The following RIN2 variants were observed in gnomAD, a reference collection of about 807,000 sequenced individuals.
RIN2 encodes RAB5 interacting protein 2.
Under a neutral mutation model 78.0 loss-of-function variants are expected in RIN2, and 36 were observed. The ratio of observed to expected loss-of-function variants is 0.46; its 90% CI spans 0.35 to 0.61. The LOEUF is 0.61. Ranked by LOEUF, RIN2 falls within the 20% of genes least tolerant of loss-of-function variation. The probability of loss-of-function intolerance (pLI) is 0.00; values close to 1 mark genes in which losing one functional copy is unlikely to be tolerated. For missense variants in RIN2, 1,087 were observed against 1,159.7 expected, an observed-to-expected ratio of 0.94 and a Z score of 0.91; for synonymous variants, 466 against 466.8, an observed-to-expected ratio of 1.00 and a Z score of 0.02.
intron 2 of RIN2, among the ~76,000 whole-genome samples, chr20:19,884,455 C>T (rs2038118948): frequency 6.6e-6 from 1 of 152,058 alleles, no homozygotes; most frequent in Non-Finnish European, 1.5e-5. Flanking sequence ...AATTAAAACA[C>T]TGTTGTTGAG....
intron 2 of RIN2, among the ~76,000 whole-genome samples, chr20:19,863,949 C>T (rs149903563): frequency 6.6e-6 from 1 of 150,652 alleles, no homozygotes; most frequent in East Asian, 2.0e-4. Flanking sequence ...GGTCAGTTTA[C>T]AACACGCATT....
chr20:19,944,962 C>T (rs539487913), intron 4 of RIN2, among the ~76,000 whole-genome samples: 6 of 152,260 alleles, frequency 3.9e-5, no homozygotes, highest in Admixed American at 1.3e-4. Context: ...AATTAGAAGA[C>T]GGTAAGAAGT....
intron 1 of RIN2, among the ~76,000 whole-genome samples, chr20:19,766,613 G>A (rs1446152166): frequency 6.6e-6 from 1 of 152,084 alleles, no homozygotes; most frequent in African/African-American, 2.4e-5. Flanking sequence ...CCAGGCAGGA[G>A]CGGCAAGTAC....
At position 19,899,296 on chromosome 20, in the gene RIN2, T is replaced by A. The variant is rs145663718; in HGVS notation, c.57+9638T>A. Among the ~76,000 whole-genome samples, 1,374 of 152,340 alleles carry A rather than the reference T, an allele frequency of 9.0e-3. 14 individuals are homozygous for A. The highest frequency in any genetic ancestry group is 0.027 in the Middle Eastern group (8 of 294). Reference sequence around the variant, plus strand: ...ATCCTCACAGTGACGCTCTTGGTGTTGCTCTAATCCCTAAACTCAGATATG... The same window carrying A: ...ATCCTCACAGTGACGCTCTTGGTGTAGCTCTAATCCCTAAACTCAGATATG... On this transcript the variant is annotated intron_variant, in intron 3 of 12. Transcript: ENST00000255006.
At chr20:19,972,309 C>T (rs2042132908) in intron 8 of RIN2, among the ~76,000 whole-genome samples, 1 of 152,096 alleles carries the variant, frequency 6.6e-6, no homozygotes, top group Admixed American at 6.6e-5. Flanking sequence ...TTCTCTCTCC[C>T]GACCTCTGTC....
chr20:19,935,257 A>G, intron 4 of RIN2, 58 bp downstream of exon 4: 2 of 1,450,980 alleles, frequency 1.4e-6, no homozygotes, highest in Non-Finnish European at 1.9e-6. Context: ...GAACCCTGGC[A>G]CTGCCAAGGG....
At chr20:19,830,803 G>A (rs765945172) in intron 2 of RIN2, among the ~76,000 whole-genome samples, 1 of 152,206 alleles carries the variant, frequency 6.6e-6, no homozygotes, top group Non-Finnish European at 1.5e-5. Context: ...TTGGCTGAAG[G>A]GGGCTGCCTA....
chr20:19,977,161 A>T (rs1368342141), intron 9 of RIN2, among the ~76,000 whole-genome samples: 3 of 152,154 alleles, frequency 2.0e-5, no homozygotes, highest in Non-Finnish European at 4.4e-5. Context: ...CCCAACCTGC[A>T]GGAGAAGCTT....
At position 19,975,384 on chromosome 20, in the gene RIN2, C is replaced by T. The variant is rs1310532638; in HGVS notation, c.1359C>T (p.Tyr453=). Residue 453 remains tyrosine (Y), a synonymous_variant, in exon 9 of 13, where the codon TAC becomes TAT. Coordinates refer to ENST00000255006, the MANE Select transcript of RIN2 (RefSeq NM_018993.4). This position sits in a 1 kb window ranked among gnomAD's most constrained non-coding sequence, Gnocchi z 4.9. ...ACCGGAGCATGCCTCTGTTTGGCTACGAGGCGGACACCAACAGCAGCCTGG... is the reference window on the plus strand; with the variant it reads ...ACCGGAGCATGCCTCTGTTTGGCTATGAGGCGGACACCAACAGCAGCCTGG... ...EFDRSMPLFG[Y]EADTNSSLED... The T allele has an allele frequency of 1.9e-6, 3 of 1,614,000 alleles. No homozygotes were observed. The highest frequency in any genetic ancestry group is 1.7e-6 in the Non-Finnish European group (2 of 1,179,868).
intron 1 of RIN2, among the ~76,000 whole-genome samples, chr20:19,773,780 G>A (rs1007887984): frequency 2.0e-5 from 3 of 151,854 alleles, no homozygotes; most frequent in African/African-American, 7.3e-5. Context: ...CTGTATTTGG[G>A]AGATGTGCGG....
intron 1 of RIN2, among the ~76,000 whole-genome samples, chr20:19,777,491 A>T (rs766083778): frequency 8.5e-5 from 13 of 152,202 alleles, no homozygotes; most frequent in Non-Finnish European, 1.9e-4. Context: ...AAACTGACCC[A>T]TGGGATTTAA....
upstream of RIN2, chr20:19,758,184 C>A: frequency 7.8e-6 from 1 of 128,166 alleles, no homozygotes. Flanking sequence ...TCTCCTCTCC[C>A]CTCCCCTCCC....
At chr20:19,955,756 TA>T (rs1411428099) in intron 4 of RIN2, among the ~76,000 whole-genome samples, 1 of 152,232 alleles carries the variant, frequency 6.6e-6, no homozygotes, top group Non-Finnish European at 1.5e-5. Flanking sequence ...TGTGAGGTTT[TA>T]TTATAAATAA....
rs185575843 is a variant in RIN2, at chr20:20,000,230, C to A, written c.2365-383C>A. ...GCTTTTGTGTCTAGATATTTTAAAT[C>A]TCTTTCTGCTGACTTCCTTCATACT... On this transcript the variant is annotated intron_variant, in intron 12 of 12. Transcript: ENST00000255006. 4.0e-3 allele frequency among the ~76,000 whole-genome samples: 609 copies of A among 152,342 alleles called. 9 individuals are homozygous for A. The highest frequency in any genetic ancestry group is 2.1e-3 in the Non-Finnish European group (146 of 68,040).
intron 2 of RIN2, among the ~76,000 whole-genome samples, chr20:19,829,305 C>T (rs922668768): frequency 3.9e-5 from 6 of 151,914 alleles, no homozygotes; most frequent in African/African-American, 1.5e-4. Context: ...ATTGGATTAA[C>T]TTATTAATTT....
At chr20:19,922,972 G>C (rs1233704619) in intron 3 of RIN2, among the ~76,000 whole-genome samples, 1 of 152,194 alleles carries the variant, frequency 6.6e-6, no homozygotes, top group Non-Finnish European at 1.5e-5. Flanking sequence ...TGAACTCTCG[G>C]CAACCTTGGA....
intron 3 of RIN2, among the ~76,000 whole-genome samples, chr20:19,909,710 G>A (rs1025092622): frequency 1.3e-5 from 2 of 152,146 alleles, no homozygotes; most frequent in Non-Finnish European, 2.9e-5. Flanking sequence ...TTACAGTCTC[G>A]CCGCACAGGT....
At chr20:19,892,795 G>A (rs2038538131) in intron 3 of RIN2, among the ~76,000 whole-genome samples, 1 of 152,218 alleles carries the variant, frequency 6.6e-6, no homozygotes, top group African/African-American at 2.4e-5. Context: ...TGGACATTCA[G>A]TACTGATTCT....
intron 3 of RIN2, among the ~76,000 whole-genome samples, chr20:19,926,620 A>G (rs1386451022): frequency 1.3e-5 from 2 of 151,992 alleles, no homozygotes; most frequent in Non-Finnish European, 2.9e-5. Flanking sequence ...TAGGATCTGG[A>G]GGTAGATCTG....
Sources: gnomAD v4.1 joint callset for allele counts (sites outside exome capture counted in the v4.1 genomes callset) on GRCh38, gnomAD v4.1.1 for gene constraint, Gnocchi (gnomAD v3.1) non-coding constraint, MANE v1.5 for transcripts, NCBI Gene and HGNC (gene_info 2026-07-23, HGNC 2026-07-21) for gene names.